TRIM31: variants seen among roughly 807,000 people sequenced by gnomAD.
TRIM31 encodes the protein E3 ubiquitin-protein ligase TRIM31.
Under a neutral mutation model 40.6 loss-of-function variants are expected in TRIM31, and 31 were observed. That is an observed-to-expected ratio of 0.76 (90% confidence interval 0.57 to 1.03). The LOEUF is 1.03. TRIM31 is among the 50% of genes least tolerant of loss of function. The pLI, the probability that TRIM31 is intolerant of heterozygous loss-of-function variation, is 0.00. For missense variants in TRIM31, 455 were observed against 497.5 expected, an observed-to-expected ratio of 0.91 and a Z score of 0.81; for synonymous variants, 164 against 193.9, an observed-to-expected ratio of 0.85 and a Z score of 1.28.
At chr6:30,111,590 A>G in intron 3 of TRIM31, 58 bp downstream of exon 3, 1 of 1,549,508 alleles carries the variant, frequency 6.5e-7, no homozygotes. Context: ...AGGGGATTCC[A>G]GGAGCTTTGG....
rs934106802 is a variant in TRIM31 at position 30,107,801 on chromosome 6, G to A, written c.883+252C>T. 1.1e-4 allele frequency: 47 copies of A among 414,856 alleles called. 2 individuals are homozygous for A. In the South Asian group the frequency reaches 1.3e-3, roughly 12 times the overall value. 25.7% of individuals were successfully genotyped at this position (414,856 alleles called of 1,614,324 possible). A position where few individuals can be genotyped will look rare whatever the true frequency, so the allele number is the denominator to read the frequency against. On this transcript the variant is annotated intron_variant, in intron 6 of 8. Transcript: ENST00000376734. ...GCTCTAGGCCAGGTGTCCACATGGG[G>A]AATAGGTCCAGGCCCTCTATGGCTC...
In TRIM31 at chr6:30,103,498, C is replaced by T; in HGVS notation, c.*38G>A. 3 of 1,609,014 alleles carry T rather than the reference C, an allele frequency of 1.9e-6. No individual in the cohort carries two copies. Among genetic ancestry groups the T allele is most frequent in the Non-Finnish European group, 2.5e-6 (3 of 1,177,686 alleles). ...CAGCGCCACTCTATGCTCCGAAGTCCGTGTAGCACCACCGCTCCCCGTGTT... is the reference window on the plus strand; with the variant it reads ...CAGCGCCACTCTATGCTCCGAAGTCTGTGTAGCACCACCGCTCCCCGTGTT... On this transcript the variant is annotated 3_prime_UTR_variant, in exon 9 of 9. Transcript: ENST00000376734.
At chr6:30,107,057 G>A (rs1170949461) in intron 6 of TRIM31, among the ~76,000 whole-genome samples, 3 of 152,076 alleles carry the variant, frequency 2.0e-5, no homozygotes, top group South Asian at 2.1e-4. Context: ...CCGAGATTGC[G>A]CCACTGCACT....
At position 30,108,681 on chromosome 6, in the gene TRIM31, A is replaced by G. The variant is rs1009867701; in HGVS notation, c.767+345T>C. 1.3e-4 allele frequency: 58 copies of G among 459,044 alleles called. No homozygotes were observed. In the East Asian group the frequency reaches 1.9e-3, roughly 15 times the overall value. The allele number at this position is 459,044 out of a possible 1,614,324, so 28.4% of individuals were successfully genotyped here. On this transcript the variant is annotated intron_variant, in intron 5 of 8. Coordinates refer to ENST00000376734, the MANE Select transcript of TRIM31 (RefSeq NM_007028.5). ...AGGTAGGGCATAGGGAGATATGGAA[A>G]TGAAGATGGGAGATGGAGACAGAGA... is the stretch of plus-strand genomic sequence containing the variant.
At chr6:30,108,559 CAAAAAAAAAAAAA>C (rs28381623) in intron 5 of TRIM31, among the ~76,000 whole-genome samples, 2 of 96,610 alleles carry the variant, frequency 2.1e-5, no homozygotes, top group Non-Finnish European at 1.9e-5. Flanking sequence ...AGCTCCATCT[CAAAAAAAAAAAAA>C]AAAAAAAAAA....
Position 30,112,846 on chromosome 6 carries a change from G to A in TRIM31, c.-41C>T, listed in dbSNP as rs780851878. ...CTGTTTCAAGACTGTAGGAAGCTGT[G>A]CCAAGTCTGTAGGAGCCCCGGAGTC... On this transcript the variant is annotated 5_prime_UTR_variant, in exon 2 of 9. Transcript: ENST00000376734. The A allele has an allele frequency of 1.3e-5, 20 of 1,547,970 alleles. No homozygotes were observed. Among genetic ancestry groups the A allele is most frequent in the Non-Finnish European group, 1.7e-5 (20 of 1,150,738 alleles).
intron 2 of TRIM31, 189 bp downstream of exon 2, chr6:30,112,200 G>T (rs943813084): frequency 4.7e-6 from 3 of 632,916 alleles, no homozygotes; most frequent in Non-Finnish European, 5.4e-6. Context: ...ATTGCACCTT[G>T]ATTTAGAGAG....
chr6:30,104,094 A>T lies in TRIM31; in HGVS notation c.1024+8T>A, dbSNP rs1275890531. The stretch of plus-strand genomic sequence containing the variant: ...AGGTCCCTTAGTATTCAGAGACAGG[A>T]CTCTTACCTGCAGAAGATGACCCGG... On this transcript the variant is annotated splice_region_variant and intron_variant, in intron 8 of 8. Coordinates refer to ENST00000376734, the MANE Select transcript of TRIM31 (RefSeq NM_007028.5). 8.7e-6 allele frequency: 14 copies of T among 1,612,476 alleles called. No individual in the cohort carries two copies. Among genetic ancestry groups the T allele is most frequent in the Non-Finnish European group, 1.2e-5 (14 of 1,179,892 alleles).
intron 2 of TRIM31, 72 bp downstream of exon 2, chr6:30,112,316 AG>A (rs1258918919): frequency 1.3e-6 from 2 of 1,522,286 alleles, no homozygotes; most frequent in African/African-American, 2.8e-5. Flanking sequence ...CTCAGTGGGA[AG>A]GTAGCAGTTT....
At chr6:30,110,058 C>T (rs1240090236) in intron 4 of TRIM31, among the ~76,000 whole-genome samples, 1 of 127,120 alleles carries the variant, frequency 7.9e-6, no homozygotes, top group Non-Finnish European at 1.7e-5. Context: ...CCACCAAAAA[C>T]CCAGAATGTG....
Position 30,105,244 on chromosome 6 carries a change from T to G in TRIM31, c.884-2A>C. 1.2e-6 allele frequency: 2 copies of G among 1,612,300 alleles called. No individual in the cohort carries two copies. The highest frequency in any genetic ancestry group is 1.7e-6 in the Non-Finnish European group (2 of 1,179,648). On this transcript the variant is annotated splice_acceptor_variant, in intron 6 of 8. Transcript: ENST00000376734. LOFTEE classifies it high-confidence loss of function. ...TTTTCCTATCAGCCTGGAGTTGGTC[T>G]GGGGAATAAAGAATGGGATGAAATG...
In TRIM31 at chr6:30,108,095, A is replaced by AT. The variant is rs1448907173; in HGVS notation, c.840dup (p.Ser281IlefsTer4). ...CTCCCTGTGATGGAGTCATGTCTTG[A>AT]TTTTGCTTCACTGAGTTTTTTCTCC... is the stretch of plus-strand genomic sequence containing the variant. On this transcript the variant is annotated frameshift_variant, in exon 6 of 9. Coordinates refer to ENST00000376734, the MANE Select transcript of TRIM31 (RefSeq NM_007028.5). LOFTEE classifies it high-confidence loss of function. 11 of 1,604,060 alleles carry AT rather than the reference A, an allele frequency of 6.9e-6. No homozygotes were observed. Among genetic ancestry groups the AT allele is most frequent in the Non-Finnish European group, 9.4e-6 (11 of 1,172,844 alleles).
Position 30,112,861 on chromosome 6 carries a change from G to T in TRIM31, c.-56C>A, listed in dbSNP as rs1236403362. ...AGGAAGCTGTGCCAAGTCTGTAGGA[G>T]CCCCGGAGTCCACTGTGGATACTGT... On this transcript the variant is annotated 5_prime_UTR_variant, in exon 2 of 9. Transcript: ENST00000376734. The T allele has an allele frequency of 5.3e-6, 8 of 1,519,762 alleles. No individual in the cohort carries two copies. The highest frequency in any genetic ancestry group is 7.0e-6 in the Non-Finnish European group (8 of 1,135,160). 94.1% of individuals were successfully genotyped at this position (1,519,762 alleles called of 1,614,324 possible). A position where few individuals can be genotyped will look rare whatever the true frequency, so the allele number is the denominator to read the frequency against.
At position 30,110,027 on chromosome 6, in the gene TRIM31, TAA is replaced by T. The variant is rs9280894; in HGVS notation, c.744+419_744+420del. ...TACACACAATTTCAAAGACTCAGTG[TAA>T]AAAAAAAAAAAAAAAAAACCACCAA... On this transcript the variant is annotated intron_variant, in intron 4 of 8. Transcript: ENST00000376734. Among the ~76,000 whole-genome samples the T allele has an allele frequency of 2.9e-3, 338 of 118,182 alleles. 7 individuals are homozygous for T. Among genetic ancestry groups the T allele is most frequent in the African/African-American group, 7.7e-3 (237 of 30,788 alleles). The allele number at this position is 118,182 out of a possible 152,430, so 77.5% of individuals were successfully genotyped here.
In TRIM31 at chr6:30,112,445, T is replaced by C. The variant is rs745435535; in HGVS notation, c.361A>G (p.Lys121Glu). The stretch of plus-strand genomic sequence containing the variant: ...CTGACATTATGGGATTTGTGGTCCT[T>C]GGATTCACGACACACAAAACAGAGG... Reference protein sequence around the residue: ...KFLCFVCRESKDHKSHNVSLI... With the variant: ...KFLCFVCRESEDHKSHNVSLI... The change falls in exon 2 of 9, where the codon AAG becomes GAG. Residue 121 changes from lysine to glutamate, a missense_variant. Transcript: ENST00000376734. The C allele has an allele frequency of 5.6e-6, 9 of 1,612,982 alleles. No individual in the cohort carries two copies. In the South Asian group the frequency reaches 9.9e-5, roughly 18 times the overall value.
chr6:30,107,784 C>G (rs1768861711), intron 6 of TRIM31: 2 of 375,704 alleles, frequency 5.3e-6, no homozygotes, highest in South Asian at 6.7e-5. Context: ...CTGCTCTAGG[C>G]CAGGTGTCCA....
intron 5 of TRIM31, 72 bp from the exon 6 acceptor site, chr6:30,108,240 G>A (rs1768922153): frequency 2.8e-6 from 3 of 1,064,464 alleles, no homozygotes; most frequent in Admixed American, 3.6e-5. Flanking sequence ...TCTGAGATAC[G>A]CGGTTGAGAA....
At position 30,110,650 on chromosome 6, in the gene TRIM31, A is replaced by G. The variant is rs1769211144; in HGVS notation, c.542T>C (p.Ile181Thr). The G allele has an allele frequency of 6.2e-7, 1 of 1,614,036 alleles. No individual in the cohort carries two copies. Among genetic ancestry groups the G allele is most frequent in the African/African-American group, 1.3e-5 (1 of 74,896 alleles). ...TDQVEHEKQR[I>T]LTEFELLHQV... ...ATGCAGGAGTTCAAATTCTGTGAGG[A>G]TCCTTTGCTTCTCATGTTCTACCTG... Residue 181 changes from isoleucine to threonine, a missense_variant, in exon 4 of 9, where the codon ATC (isoleucine) becomes ACC (threonine). Coordinates refer to ENST00000376734, the MANE Select transcript of TRIM31 (RefSeq NM_007028.5).
At chr6:30,108,951 T>C (rs2844794) in intron 5 of TRIM31, 75 bp downstream of exon 5, 46,340 of 1,484,278 alleles carry the variant, frequency 0.031, 902 homozygotes, top group African/African-American at 0.038. Context: ...GAATGTTGAC[T>C]GCATTTGGAT....
Sources: gnomAD v4.1 joint callset for allele counts (sites outside exome capture counted in the v4.1 genomes callset) on GRCh38, gnomAD v4.1.1 for gene constraint, MANE v1.5 for transcripts, NCBI Gene and HGNC (gene_info 2026-07-23, HGNC 2026-07-21) for gene names.